Variants in SGCD observed in about 807,000 individuals in gnomAD.
The protein encoded by SGCD is delta-sarcoglycan.
In SGCD, 18 loss-of-function variants were observed where a neutral mutation model predicts 36.6. That is an observed-to-expected ratio of 0.49 (90% CI 0.34 to 0.73). SGCD has a LOEUF of 0.73. Ranked by LOEUF, SGCD falls within the 30% of genes least tolerant of loss-of-function variation. SGCD has a pLI of 0.01. For missense variants in SGCD, 387 were observed against 346.7 expected (o/e 1.12, Z -0.92); for synonymous variants, 133 against 130.6 (o/e 1.02, Z -0.12).
chr5:156,072,226 C>T (rs1194908805), intron 1 of SGCD, among the ~76,000 whole-genome samples: 14 of 152,102 alleles, frequency 9.2e-5, no homozygotes, highest in Admixed American at 2.0e-4. Context: ...TTCCTAGCCT[C>T]GATGGTCTTT....
intron 3 of SGCD, among the ~76,000 whole-genome samples, chr5:156,291,274 A>G (rs1259909187): frequency 2.0e-5 from 3 of 152,174 alleles, no homozygotes; most frequent in African/African-American, 7.2e-5. Context: ...AAACAAAGAA[A>G]TATTCAATAC....
At chr5:156,308,724 G>A (rs1018583595) in intron 3 of SGCD, among the ~76,000 whole-genome samples, 1 of 152,148 alleles carries the variant, frequency 6.6e-6, no homozygotes, top group East Asian at 1.9e-4. Flanking sequence ...GACATGGGGG[G>A]ATTACAATTT....
chr5:155,739,615 G>T, the SGCD span, among the ~76,000 whole-genome samples: 1 of 152,156 alleles, frequency 6.6e-6, no homozygotes, highest in South Asian at 2.1e-4. Flanking sequence ...AAACTCTGTT[G>T]CCTATAATCC....
At chr5:156,072,666 G>C (rs965388505) in intron 1 of SGCD, among the ~76,000 whole-genome samples, 1 of 152,134 alleles carries the variant, frequency 6.6e-6, no homozygotes, top group African/African-American at 2.4e-5. Context: ...TCCTGAATCT[G>C]AATGTTGGCC....
At chr5:156,006,901 G>T (rs1013278185) in intron 1 of SGCD, among the ~76,000 whole-genome samples, 2 of 152,072 alleles carry the variant, frequency 1.3e-5, no homozygotes, top group Admixed American at 1.3e-4. Flanking sequence ...TGTTTTAGAG[G>T]AACCCAAAGA....
intron 3 of SGCD, among the ~76,000 whole-genome samples, chr5:156,274,040 G>A (rs1165953546): frequency 2.0e-5 from 3 of 152,064 alleles, no homozygotes; most frequent in Non-Finnish European, 4.4e-5. Flanking sequence ...TCCCCAGGGG[G>A]CTGTACTGAC....
intron 4 of SGCD, among the ~76,000 whole-genome samples, chr5:156,526,209 A>G (rs973981426): frequency 8.6e-5 from 13 of 151,990 alleles, no homozygotes; most frequent in Non-Finnish European, 1.9e-4. Flanking sequence ...GGAAGGAGGG[A>G]GATAAAGATG....
intron 4 of SGCD, among the ~76,000 whole-genome samples, chr5:156,587,988 G>C (rs1459824690): frequency 6.6e-6 from 1 of 151,314 alleles, no homozygotes; most frequent in Non-Finnish European, 1.5e-5. Context: ...TGATTTTTAT[G>C]TATTTGGGGC....
At chr5:155,983,630 C>T (rs1758273826) in intron 1 of SGCD, among the ~76,000 whole-genome samples, 2 of 152,108 alleles carry the variant, frequency 1.3e-5, no homozygotes, top group African/African-American at 4.8e-5. Flanking sequence ...AACTCCTTAG[C>T]TGGAATTCTT....
intron 3 of SGCD, among the ~76,000 whole-genome samples, chr5:156,291,903 C>T (rs1766767078): frequency 6.6e-6 from 1 of 152,190 alleles, no homozygotes; most frequent in Non-Finnish European, 1.5e-5. Context: ...TTTTCAAATA[C>T]ATAATGCATT....
intron 4 of SGCD, among the ~76,000 whole-genome samples, chr5:156,532,658 T>C (rs1253909827): frequency 1.3e-5 from 2 of 152,058 alleles, no homozygotes; most frequent in African/African-American, 4.8e-5. Context: ...AGACAGGGTT[T>C]TACCACGTTA....
chr5:155,915,210 C>T (rs1756711297), intron 1 of SGCD, among the ~76,000 whole-genome samples: 1 of 152,094 alleles, frequency 6.6e-6, no homozygotes, highest in Non-Finnish European at 1.5e-5. Flanking sequence ...GACATTTTTT[C>T]CTGACAGCCC....
chr5:156,671,089 G>T, intron 7 of SGCD, among the ~76,000 whole-genome samples: 1 of 150,634 alleles, frequency 6.6e-6, no homozygotes, highest in Non-Finnish European at 1.5e-5. Context: ...ATAGCATCCT[G>T]TATTAATTTC....
upstream of SGCD, among the ~76,000 whole-genome samples, chr5:155,867,499 TA>T (rs1755546640): frequency 6.6e-6 from 1 of 152,178 alleles, no homozygotes; most frequent in Admixed American, 6.5e-5. Flanking sequence ...GGAGGTGTTC[TA>T]AAAACAATTC....
At chr5:156,281,015 A>G (rs1248308397) in intron 3 of SGCD, among the ~76,000 whole-genome samples, 1 of 152,210 alleles carries the variant, frequency 6.6e-6, no homozygotes, top group African/African-American at 2.4e-5. Flanking sequence ...AATTTTAACC[A>G]ATTAACTTAC....
intron 3 of SGCD, among the ~76,000 whole-genome samples, chr5:156,210,116 G>C (rs142523034): frequency 1.8e-3 from 272 of 152,182 alleles, no homozygotes; most frequent in African/African-American, 6.1e-3. Context: ...TAAAAAGGTG[G>C]ACTCCTATAG....
intron 3 of SGCD, among the ~76,000 whole-genome samples, chr5:156,270,406 A>G (rs901547529): frequency 2.6e-5 from 4 of 152,168 alleles, no homozygotes; most frequent in Non-Finnish European, 4.4e-5. Flanking sequence ...TTTTACTTGT[A>G]AACTAGTTAA....
At chr5:156,033,414 A>G (rs1216621590) in intron 1 of SGCD, among the ~76,000 whole-genome samples, 1 of 152,030 alleles carries the variant, frequency 6.6e-6, no homozygotes, top group African/African-American at 2.4e-5. Flanking sequence ...TGGCGTCCCC[A>G]GTGTCTATTG....
At chr5:155,868,311 A>G (rs1327760174), upstream of SGCD, among the ~76,000 whole-genome samples, 1 of 151,050 alleles carries the variant, frequency 6.6e-6, no homozygotes, top group Admixed American at 6.6e-5. Flanking sequence ...TTCAGCCTCC[A>G]AAAGTGCTGG....
Sources: allele counts gnomAD v4.1 joint callset (sites outside exome capture counted in the v4.1 genomes callset), GRCh38; gene constraint gnomAD v4.1.1; transcripts MANE v1.5; gene names NCBI Gene and HGNC (gene_info 2026-07-23, HGNC 2026-07-21).